The following SPDYE18 variants were observed in gnomAD, a reference collection of about 807,000 sequenced individuals.
The protein encoded by SPDYE18 is speedy protein E18.
A neutral mutation model predicts 44.9 loss-of-function variants in SPDYE18; 6 were observed. The observed-to-expected ratio is 0.13, with a 90% CI of 0.07 to 0.26. The LOEUF (loss-of-function observed/expected upper bound fraction) is 0.26, where lower values mean the gene tolerates loss of function less well. SPDYE18 is among the 10% of genes least tolerant of loss of function. The pLI, the probability that SPDYE18 is intolerant of heterozygous loss-of-function variation, is 1.00. For missense variants in SPDYE18, 121 were observed against 463.2 expected, an observed-to-expected ratio of 0.26 and a Z score of 6.78; for synonymous variants, 35 against 177.1, an observed-to-expected ratio of 0.20 and a Z score of 6.37.
chr7:77,052,207 G>A (rs1238848934), intron 8 of SPDYE18, among the ~76,000 whole-genome samples: 1 of 149,238 alleles, frequency 6.7e-6, no homozygotes, highest in Non-Finnish European at 1.5e-5. Flanking sequence ...GGCCTTTTGT[G>A]TCACTTAAGA....
chr7:77,061,009 A>T, intron 1 of SPDYE18, among the ~76,000 whole-genome samples, 76 bp from the exon 2 acceptor site: 1 of 131,762 alleles, frequency 7.6e-6, no homozygotes, highest in Non-Finnish European at 1.6e-5. Context: ...GAGTGAGATT[A>T]TCATGTACAA....
At chr7:77,059,672 C>G (rs1265373452) in intron 2 of SPDYE18, among the ~76,000 whole-genome samples, 7 of 151,284 alleles carry the variant, frequency 4.6e-5, no homozygotes, top group Non-Finnish European at 7.4e-5. Context: ...TGTTTTGACA[C>G]AGAATCTTGG....
At position 77,051,142 on chromosome 7, in the gene SPDYE18, T is replaced by C. The variant is rs1347178799; in HGVS notation, c.*783A>G. On this transcript the variant is annotated 3_prime_UTR_variant, in exon 9 of 9. Coordinates refer to ENST00000510091, the MANE Select transcript of SPDYE18 (RefSeq NM_001394953.1). ...TTTCTGGTGGGGAACTACCAATAGCTATAAATAGAAGAGATTTTTATGGAA... is the reference window on the plus strand; with the variant it reads ...TTTCTGGTGGGGAACTACCAATAGCCATAAATAGAAGAGATTTTTATGGAA... Among the ~76,000 whole-genome samples, 1 of 152,044 alleles carries C rather than the reference T, an allele frequency of 6.6e-6. No individual in the cohort carries two copies. Among genetic ancestry groups the C allele is most frequent in the African/African-American group, 2.4e-5 (1 of 41,466 alleles).
chr7:77,053,992 A>T (rs1244492712), intron 6 of SPDYE18, among the ~76,000 whole-genome samples: 4 of 151,042 alleles, frequency 2.6e-5, no homozygotes, highest in Non-Finnish European at 1.5e-5. Context: ...CTTGGGGGAC[A>T]GGGCAAGTCT....
intron 2 of SPDYE18, among the ~76,000 whole-genome samples, chr7:77,060,054 A>G (rs1265749506): frequency 1.5e-5 from 2 of 129,738 alleles, no homozygotes; most frequent in African/African-American, 3.1e-5. Flanking sequence ...GGAGTGCAGT[A>G]GCGTGATCTC....
Position 77,057,127 on chromosome 7 carries a change from G to C in SPDYE18, c.610+510C>G, listed in dbSNP as rs549984845. 2.0e-5 allele frequency among the ~76,000 whole-genome samples: 3 copies of C among 152,378 alleles called. No homozygotes were observed. The South Asian group carries it at 6.2e-4, about 32-fold the overall frequency. On this transcript the variant is annotated intron_variant, in intron 4 of 8. Transcript: ENST00000510091. ...TTATTTTGAGACAGAGTCTTGCTCT[G>C]TGGGCCAGGCTGGAATGCAGTGGCC...
Position 77,050,916 on chromosome 7 carries a change from TAATA to T in SPDYE18, c.*1005_*1008del, listed in dbSNP as rs1430411603. ...TAATATTTAAATAAATAAATATATT[TAATA>T]AATATTTCAATAAATAAAATAATAC... is the stretch of plus-strand genomic sequence containing the variant. On this transcript the variant is annotated 3_prime_UTR_variant, in exon 9 of 9. Coordinates refer to ENST00000510091, the MANE Select transcript of SPDYE18 (RefSeq NM_001394953.1). Among the ~76,000 whole-genome samples the T allele has an allele frequency of 1.1e-4, 17 of 148,910 alleles. No individual in the cohort carries two copies. Among genetic ancestry groups the T allele is most frequent in the Non-Finnish European group, 2.2e-4 (15 of 67,280 alleles).
intron 4 of SPDYE18, 42 bp downstream of exon 4, chr7:77,057,595 G>A: frequency 1.5e-6 from 1 of 646,346 alleles, no homozygotes; most frequent in Non-Finnish European, 2.6e-6. Context: ...CCTGTTTTTG[G>A]AAAGAACAGG....
intron 6 of SPDYE18, 136 bp from the exon 7 acceptor site, chr7:77,053,339 T>A: frequency 2.1e-6 from 3 of 1,398,616 alleles, no homozygotes; most frequent in Non-Finnish European, 2.9e-6. Context: ...AGCCACGCCT[T>A]CCTCAGGAGG....
At chr7:77,054,834 C>A (rs1429888210) in intron 6 of SPDYE18, among the ~76,000 whole-genome samples, 114 of 152,114 alleles carry the variant, frequency 7.5e-4, no homozygotes, top group Non-Finnish European at 1.5e-3. Flanking sequence ...GTGGCTCGAC[C>A]TTAACTTACT....
At chr7:77,058,954 A>G (rs77400070) in intron 3 of SPDYE18, among the ~76,000 whole-genome samples, 177 of 149,414 alleles carry the variant, frequency 1.2e-3, no homozygotes, top group South Asian at 4.1e-3. Flanking sequence ...CACTGCACCT[A>G]GCCCGAAACC....
Position 77,060,425 on chromosome 7 carries a change from G to C in SPDYE18, c.88C>G (p.Gln30Glu), listed in dbSNP as rs530292098. The C allele has an allele frequency of 1.2e-4, 182 of 1,535,518 alleles. 1 individual carries two copies. In the East Asian group the frequency reaches 4.3e-3, roughly 36 times the overall value. ...TSRQPHPQNE[Q>E]SLQRSTSGYP... ...CCCGAGGTGCTCCGCTGGAGACTCT[G>C]CTCATTCTGGGGGTGCGGTTGACGG... is the stretch of plus-strand genomic sequence containing the variant. Residue 30 changes from glutamine to glutamate, a missense_variant, in exon 2 of 9, where the codon CAG becomes GAG. Transcript: ENST00000510091.
Position 77,060,666 on chromosome 7 carries a change from G to A in SPDYE18, c.-154C>T, listed in dbSNP as rs1200030029. Reference sequence around the variant, plus strand: ...TCCGGTCCCTCCAATCAGGAAGGTCGGAATCTCTGATGTCATCGTTCATGC... The same window carrying A: ...TCCGGTCCCTCCAATCAGGAAGGTCAGAATCTCTGATGTCATCGTTCATGC... On this transcript the variant is annotated 5_prime_UTR_variant, in exon 2 of 9. Transcript: ENST00000510091. Among the ~76,000 whole-genome samples the A allele has an allele frequency of 2.0e-5, 3 of 151,552 alleles. No individual in the cohort carries two copies. Among genetic ancestry groups the A allele is most frequent in the South Asian group, 2.1e-4 (1 of 4,780 alleles).
rs79960900 is a variant in SPDYE18, at chr7:77,055,673, A to G, written c.670-352T>C. On this transcript the variant is annotated intron_variant, in intron 5 of 8. Transcript: ENST00000510091. ...GAGGGGCCAGGAGCTTCAGGGCTGC[A>G]GCCAGACTGTGGCCCAGGGCTCAGA... is the stretch of plus-strand genomic sequence containing the variant. Among the ~76,000 whole-genome samples, 29 of 59,746 alleles carry G rather than the reference A, an allele frequency of 4.9e-4. 2 individuals carry two copies. The highest frequency in any genetic ancestry group is 6.8e-4 in the Non-Finnish European group (25 of 36,620). The allele number at this position is 59,746 out of a possible 152,430, so 39.2% of individuals were successfully genotyped here. A position where few individuals can be genotyped will look rare whatever the true frequency, so the allele number is the denominator to read the frequency against.
At chr7:77,062,301 T>A (rs907101896) in intron 1 of SPDYE18, among the ~76,000 whole-genome samples, 195 bp downstream of exon 1, 3 of 147,328 alleles carry the variant, frequency 2.0e-5, no homozygotes, top group Non-Finnish European at 3.0e-5. Context: ...TTCGCATTCA[T>A]GACGCTTTAA....
intron 6 of SPDYE18, among the ~76,000 whole-genome samples, 184 bp from the exon 7 acceptor site, chr7:77,053,387 A>C (rs1363429454): frequency 3.9e-5 from 6 of 152,240 alleles, no homozygotes; most frequent in Admixed American, 6.5e-5. Context: ...GGCGTCTCCC[A>C]CTCCTTCAGG....
chr7:77,053,506 G>A (rs1166499813), intron 6 of SPDYE18, among the ~76,000 whole-genome samples: 9 of 152,230 alleles, frequency 5.9e-5, no homozygotes, highest in East Asian at 1.9e-4. Context: ...AGTTTGAGAC[G>A]GGCCTGGGCA....
rs1789774261 is a variant in SPDYE18, at chr7:77,050,784, A to G, written c.*1141T>C. ...TAAAAAGGAAAACAAAATTATATGT[A>G]TGTGTATATAATAGTTATAACACCC... On this transcript the variant is annotated 3_prime_UTR_variant, in exon 9 of 9. Coordinates refer to ENST00000510091, the MANE Select transcript of SPDYE18 (RefSeq NM_001394953.1). Among the ~76,000 whole-genome samples, 1 of 151,932 alleles carries G rather than the reference A, an allele frequency of 6.6e-6. No homozygotes were observed. The highest frequency in any genetic ancestry group is 1.5e-5 in the Non-Finnish European group (1 of 67,976).
rs1047524952 is a variant in SPDYE18, at chr7:77,053,277, G to A, written c.756-74C>T. 5.5e-5 allele frequency: 87 copies of A among 1,589,808 alleles called. 2 individuals are homozygous for A. The African/African-American group carries it at 1.1e-3, about 19-fold the overall frequency. On this transcript the variant is annotated intron_variant, in intron 6 of 8. Coordinates refer to ENST00000510091, the MANE Select transcript of SPDYE18 (RefSeq NM_001394953.1). ...CTCCGGCTGAGGTCAGCTTCCCAGA[G>A]AGGAAGGTAAGGGACTGTCCCTAGC...
Sources: gnomAD v4.1 joint callset for allele counts (sites outside exome capture counted in the v4.1 genomes callset) on GRCh38, gnomAD v4.1.1 for gene constraint, MANE v1.5 for transcripts, NCBI Gene and HGNC (gene_info 2026-07-23, HGNC 2026-07-21) for gene names.